Variants in ANK3 observed in about 807,000 individuals in gnomAD.
ANK3 encodes ankyrin-3.
In ANK3, 57 loss-of-function variants were observed where a neutral mutation model predicts 370.9. That is an observed-to-expected ratio of 0.15 (90% CI 0.12 to 0.19). ANK3 has a LOEUF of 0.19. Among genes scored for constraint, ANK3 ranks in the 10% least tolerant of loss-of-function variants. The pLI is 1.00. For synonymous variants in ANK3, 1,929 were observed against 1,946.3 expected, an observed-to-expected ratio of 0.99 and a Z score of 0.23; for missense variants, 4,439 against 5,302.1, an observed-to-expected ratio of 0.84 and a Z score of 5.06.
intron 1 of ANK3, among the ~76,000 whole-genome samples, chr10:60,291,587 A>G (rs1222051517): frequency 1.3e-5 from 2 of 152,078 alleles, no homozygotes; most frequent in Non-Finnish European, 2.9e-5. Context: ...CAATGCACAA[A>G]TGCTTCCACT....
chr10:60,643,509 T>C (rs1033162889), intron 1 of ANK3, among the ~76,000 whole-genome samples: 1 of 66,558 alleles, frequency 1.5e-5, no homozygotes, highest in East Asian at 2.9e-4. Flanking sequence ...TATATCTATC[T>C]ATCTATCTAT....
intron 39 of ANK3, 21 bp downstream of exon 39, chr10:60,064,136 A>C (rs773642186): frequency 6.5e-7 from 1 of 1,543,192 alleles, no homozygotes; most frequent in East Asian, 2.4e-5. Context: ...TGAAAGTTAA[A>C]ATAATATAAT....
chr10:60,069,883 A>T lies in ANK3; in HGVS notation c.10998T>A (p.Thr3666=), dbSNP rs768791334. Residue 3666 remains threonine, a synonymous_variant, in exon 37 of 44, where the codon ACT becomes ACA. Transcript: ENST00000280772. ...CATTTCTCTCTAGATTGGTTTCTACAGTGGTGTCCCCTGACTGTGGCTGTG... is the reference window on the plus strand; with the variant it reads ...CATTTCTCTCTAGATTGGTTTCTACTGTGGTGTCCCCTGACTGTGGCTGTG... ...ATPQPQSGDT[T]VETNLERNVE... 1.9e-6 allele frequency: 3 copies of T among 1,613,998 alleles called. No homozygotes were observed. The highest frequency in any genetic ancestry group is 1.7e-5 in the Admixed American group (1 of 59,990).
rs1232144803 is a variant in ANK3 at position 60,150,864 on chromosome 10, T to C, written c.2615-11777A>G. Among the ~76,000 whole-genome samples, 4 of 152,108 alleles carry C rather than the reference T, an allele frequency of 2.6e-5. No homozygotes were observed. The East Asian group carries it at 7.7e-4, about 29-fold the overall frequency. ...AAACCTCATATATATATATAAATTA[T>C]CCAGTCTCAGGTATTTCTTTCTAGC... On this transcript the variant is annotated intron_variant, in intron 23 of 43. Transcript: ENST00000280772.
intron 1 of ANK3, among the ~76,000 whole-genome samples, chr10:60,638,576 A>C (rs2078586501): frequency 6.6e-6 from 1 of 152,148 alleles, no homozygotes; most frequent in Admixed American, 6.5e-5. Context: ...GAAATGAGAG[A>C]GATGATGGAA....
chr10:60,073,986 C>T lies in ANK3; in HGVS notation c.6895G>A (p.Ala2299Thr), dbSNP rs772657195. Residue 2299 changes from alanine (A) to threonine (T), a missense_variant, in exon 37 of 44, where the codon GCA becomes ACA. Ala to Thr is a moderately conservative substitution (Grantham distance 58). Coordinates refer to ENST00000280772, the MANE Select transcript of ANK3 (RefSeq NM_020987.5). ...ELAGLFEHKS[A>T]VSPDVHKSAA... is the part of the protein sequence containing the mutation. ...GACTTGTGAACATCTGGAGACACTG[C>T]CGACTTATGTTCAAACAGACCTGCC... The T allele has an allele frequency of 1.9e-5, 30 of 1,613,854 alleles. 1 individual carries two copies. The highest frequency in any genetic ancestry group is 3.3e-4 in the Middle Eastern group (2 of 6,082).
intron 1 of ANK3, among the ~76,000 whole-genome samples, chr10:60,686,203 C>T (rs2079266134): frequency 6.6e-6 from 1 of 151,804 alleles, no homozygotes; most frequent in African/African-American, 2.4e-5. Flanking sequence ...TACAAAGAGC[C>T]TTACAGGAAA....
At chr10:60,179,435 C>T (rs976850899) in intron 18 of ANK3, among the ~76,000 whole-genome samples, 32 of 152,198 alleles carry the variant, frequency 2.1e-4, no homozygotes, top group African/African-American at 7.5e-4. Context: ...TGGCTCATGC[C>T]TGTAATCCCA....
chr10:60,681,110 C>G (rs2079189536), intron 1 of ANK3, among the ~76,000 whole-genome samples: 1 of 152,140 alleles, frequency 6.6e-6, no homozygotes, highest in African/African-American at 2.4e-5. Flanking sequence ...CAAGTCCTGC[C>G]AGTTCTACTT....
intron 7 of ANK3, among the ~76,000 whole-genome samples, chr10:60,243,995 T>C (rs1409178903): frequency 6.6e-6 from 1 of 152,224 alleles, no homozygotes; most frequent in African/African-American, 2.4e-5. Flanking sequence ...TAACATGATC[T>C]ACATGATAGA....
intron 1 of ANK3, among the ~76,000 whole-genome samples, chr10:60,618,756 T>C (rs2078296996): frequency 6.6e-6 from 1 of 152,102 alleles, no homozygotes; most frequent in Non-Finnish European, 1.5e-5. Context: ...ATTTGGCCCA[T>C]CCGCTTTCCT....
chr10:60,073,315 A>C lies in ANK3; in HGVS notation c.7566T>G (p.Val2522=). The C allele has an allele frequency of 1.2e-5, 20 of 1,614,062 alleles. No homozygotes were observed. Among genetic ancestry groups the C allele is most frequent in the Non-Finnish European group, 1.7e-5 (20 of 1,180,016 alleles). ...ACACTTTACCTACACCATTTTCAGA[A>C]ACATCTTTATAGATTTTGGAGAGAA... ...KEILSKIYKD[V]SENGVGKVSK... The change falls in exon 37 of 44, where the codon GTT becomes GTG. Residue 2522 remains valine (V), a synonymous_variant. Coordinates refer to ENST00000280772, the MANE Select transcript of ANK3 (RefSeq NM_020987.5).
intron 43 of ANK3, among the ~76,000 whole-genome samples, chr10:60,035,815 C>A (rs973046739): frequency 6.6e-5 from 10 of 151,000 alleles, no homozygotes; most frequent in African/African-American, 2.4e-4. Flanking sequence ...CATGGAGAAA[C>A]CCCATCGCTA....
rs774716123 is a variant in ANK3, at chr10:60,278,867, T to A, written c.321A>T (p.Gly107=). The A allele has an allele frequency of 1.2e-6, 2 of 1,613,902 alleles. No individual in the cohort carries two copies. Among genetic ancestry groups the A allele is most frequent in the Non-Finnish European group, 1.7e-6 (2 of 1,179,866 alleles). Residue 107 remains glycine, a synonymous_variant, in exon 4 of 44, where the codon GGA becomes GGT. Coordinates refer to ENST00000280772, the MANE Select transcript of ANK3 (RefSeq NM_020987.5). The part of the protein sequence containing the change: ...EANVDAATKK[G]NTALHIASLA... ...AAGATGCGATGTGCAATGCTGTGTT[T>A]CCTTTCTGTGAAATGAAAGTCAAGA...
In ANK3 at chr10:60,208,319, A is replaced by C; in HGVS notation, c.997-86T>G. The C allele has an allele frequency of 2.5e-6, 3 of 1,181,580 alleles. No individual in the cohort carries two copies. In the South Asian group the frequency reaches 4.0e-5, roughly 16 times the overall value. 73.2% of individuals were successfully genotyped at this position (1,181,580 alleles called of 1,614,324 possible). A position where few individuals can be genotyped will look rare whatever the true frequency, so the allele number is the denominator to read the frequency against. Reference sequence around the variant, plus strand: ...CACAAAGTGCAAATATAAACAGATAAAAACTCCAGTTCTTCACATGAAAAT... The same window carrying C: ...CACAAAGTGCAAATATAAACAGATACAAACTCCAGTTCTTCACATGAAAAT... On this transcript the variant is annotated intron_variant, in intron 9 of 43. Transcript: ENST00000280772.
chr10:60,331,632 C>A (rs1042201009), intron 1 of ANK3, among the ~76,000 whole-genome samples: 4 of 151,438 alleles, frequency 2.6e-5, no homozygotes, highest in Admixed American at 6.6e-5. Flanking sequence ...ATTCTTCAAG[C>A]TTGCTTGAGG....
At chr10:60,334,010 T>C (rs529677884) in intron 1 of ANK3, among the ~76,000 whole-genome samples, 1 of 152,288 alleles carries the variant, frequency 6.6e-6, no homozygotes, top group South Asian at 2.1e-4. Flanking sequence ...TTGTGTTTCA[T>C]TTCCTACCTA....
chr10:60,290,886 T>A (rs1271722480), intron 1 of ANK3, among the ~76,000 whole-genome samples: 1 of 152,160 alleles, frequency 6.6e-6, no homozygotes. Flanking sequence ...CAGGCTTTTG[T>A]TTTTGTAAAG....
At chr10:60,051,392 C>T (rs1475234336) in intron 42 of ANK3, 1 of 633,738 alleles carries the variant, frequency 1.6e-6, no homozygotes, top group Non-Finnish European at 2.0e-6. Flanking sequence ...ATTTCACAAC[C>T]ACAAGGAAGG....
Sources: allele counts gnomAD v4.1 joint callset (sites outside exome capture counted in the v4.1 genomes callset), GRCh38; gene constraint gnomAD v4.1.1; transcripts MANE v1.5; gene names NCBI Gene and HGNC (gene_info 2026-07-23, HGNC 2026-07-21).